Variants in CDS1 observed in about 807,000 individuals in gnomAD.
CDS1 encodes CDP-diacylglycerol synthase 1.
In CDS1, 41 loss-of-function variants were observed where a neutral mutation model predicts 62.1. That is an observed-to-expected ratio of 0.66 (90% CI 0.51 to 0.86). The LOEUF (loss-of-function observed/expected upper bound fraction) is 0.86. CDS1 is among the 40% of genes least tolerant of loss of function. The probability of loss-of-function intolerance (pLI) is 0.00; values close to 1 mark genes in which losing one functional copy is unlikely to be tolerated. For synonymous variants in CDS1, 185 were observed against 192.6 expected, an observed-to-expected ratio of 0.96 and a Z score of 0.32; for missense variants, 470 against 550.1, an observed-to-expected ratio of 0.85 and a Z score of 1.46.
At chr4:84,597,846 G>C (rs944253562) in intron 1 of CDS1, among the ~76,000 whole-genome samples, 1 of 151,836 alleles carries the variant, frequency 6.6e-6, no homozygotes, top group African/African-American at 2.4e-5. Flanking sequence ...CATGAAGAAG[G>C]CCGGGTGCGG....
At chr4:84,589,903 C>G (rs531035598) in intron 1 of CDS1, among the ~76,000 whole-genome samples, 1 of 152,154 alleles carries the variant, frequency 6.6e-6, no homozygotes, top group Non-Finnish European at 1.5e-5. Flanking sequence ...CTCTGCCTCC[C>G]GGGTTCACGC....
At position 84,636,170 on chromosome 4, in the gene CDS1, C is replaced by T. The variant is rs559964810; in HGVS notation, c.810+819C>T. 7.2e-5 allele frequency among the ~76,000 whole-genome samples: 11 copies of T among 152,246 alleles called. No individual in the cohort carries two copies. The South Asian group carries it at 2.3e-3, about 32-fold the overall frequency. ...CTCTCCCTTCAACCTGTCGCCTTACCTGTCCCCTCCTTTACCAAACTTTCT... is the reference window on the plus strand; with the variant it reads ...CTCTCCCTTCAACCTGTCGCCTTACTTGTCCCCTCCTTTACCAAACTTTCT... On this transcript the variant is annotated intron_variant, in intron 8 of 12. Coordinates refer to ENST00000295887, the MANE Select transcript of CDS1 (RefSeq NM_001263.4).
intron 8 of CDS1, among the ~76,000 whole-genome samples, chr4:84,635,621 G>GCCTTCCTTCCTCCCTTCCTT (rs1560481546): frequency 1.2e-5 from 1 of 84,810 alleles, no homozygotes; most frequent in Admixed American, 1.3e-4. Flanking sequence ...CTGCCTGCCT[G>GCCTTCCTTCCTCCCTTCCTT]CCTGCCTTCC....
At chr4:84,612,141 T>C (rs377035887) in intron 3 of CDS1, among the ~76,000 whole-genome samples, 1 of 151,374 alleles carries the variant, frequency 6.6e-6, no homozygotes, top group East Asian at 2.0e-4. Flanking sequence ...TTGCTCACGG[T>C]GCTTCCTCGG....
At chr4:84,586,198 G>T (rs1722414707) in intron 1 of CDS1, among the ~76,000 whole-genome samples, 1 of 152,148 alleles carries the variant, frequency 6.6e-6, no homozygotes, top group African/African-American at 2.4e-5. Context: ...CCAGGGATCA[G>T]TTTTGTGGAA....
intron 1 of CDS1, among the ~76,000 whole-genome samples, chr4:84,601,455 G>A (rs1722933948): frequency 6.6e-6 from 1 of 152,144 alleles, no homozygotes; most frequent in African/African-American, 2.4e-5. Flanking sequence ...TGGCATGTTG[G>A]AAGCTGGAGA....
At chr4:84,609,046 G>T (rs1405819722) in intron 2 of CDS1, among the ~76,000 whole-genome samples, 3 of 151,802 alleles carry the variant, frequency 2.0e-5, no homozygotes, top group Non-Finnish European at 4.4e-5. Flanking sequence ...GGGTGTGGTG[G>T]CGGGCACCTG....
At position 84,648,728 on chromosome 4, in the gene CDS1, A is replaced by G; in HGVS notation, c.*42A>G. 2.6e-6 allele frequency: 4 copies of G among 1,562,852 alleles called. No individual in the cohort carries two copies. Among genetic ancestry groups the G allele is most frequent in the Non-Finnish European group, 3.5e-6 (4 of 1,151,988 alleles). On this transcript the variant is annotated 3_prime_UTR_variant, in exon 13 of 13. Coordinates refer to ENST00000295887, the MANE Select transcript of CDS1 (RefSeq NM_001263.4). ...AAGGACTGACAAGAAGGAATTATTC[A>G]GAAAAACACTGACAGATGTTTTATA... is the stretch of plus-strand genomic sequence containing the variant.
intron 1 of CDS1, among the ~76,000 whole-genome samples, chr4:84,591,065 T>C (rs1722577917): frequency 1.3e-5 from 2 of 152,192 alleles, no homozygotes; most frequent in Non-Finnish European, 1.5e-5. Context: ...ACACAAACAA[T>C]ATTTTGTTTG....
chr4:84,601,682 G>C (rs1247271022), intron 1 of CDS1, among the ~76,000 whole-genome samples: 1 of 152,162 alleles, frequency 6.6e-6, no homozygotes, highest in Non-Finnish European at 1.5e-5. Context: ...GGAGGTCAGG[G>C]CGGGCGGATC....
In CDS1 at chr4:84,588,880, C is replaced by G. The variant is rs776632975; in HGVS notation, c.117+5362C>G. ...ATGTAATCACAACAAAATTCAGTCC[C>G]CTCTCATAATCCTAAACTTGTGACC... On this transcript the variant is annotated intron_variant, in intron 1 of 12. Transcript: ENST00000295887. Among the ~76,000 whole-genome samples the G allele has an allele frequency of 2.2e-4, 33 of 152,106 alleles. No individual in the cohort carries two copies. In the South Asian group the frequency reaches 2.3e-3, roughly 11 times the overall value.
Position 84,635,635 on chromosome 4 carries a change from C to T in CDS1, c.810+284C>T, listed in dbSNP as rs553036820. Among the ~76,000 whole-genome samples, 739 of 88,202 alleles carry T rather than the reference C, an allele frequency of 8.4e-3. 5 individuals are homozygous for T. The highest frequency in any genetic ancestry group is 0.034 in the African/African-American group (715 of 20,806). 57.9% of individuals were successfully genotyped at this position (88,202 alleles called of 152,430 possible). On this transcript the variant is annotated intron_variant, in intron 8 of 12. Coordinates refer to ENST00000295887, the MANE Select transcript of CDS1 (RefSeq NM_001263.4). The stretch of plus-strand genomic sequence containing the variant: ...CCTGCCTGCCTGCCTGCCTTCCTTC[C>T]TTCCTTCCTTCCTTCCTTCCTTCCT...
intron 1 of CDS1, among the ~76,000 whole-genome samples, chr4:84,585,642 T>C (rs2110029274): frequency 6.6e-6 from 1 of 152,366 alleles, no homozygotes; most frequent in Admixed American, 6.5e-5. Flanking sequence ...TCTGCTATTA[T>C]AATACACTCC....
At chr4:84,614,296 G>A (rs1392843731) in intron 3 of CDS1, among the ~76,000 whole-genome samples, 1 of 152,002 alleles carries the variant, frequency 6.6e-6, no homozygotes, top group Non-Finnish European at 1.5e-5. Context: ...TTGTTCTGTG[G>A]TCTTTATAAT....
intron 8 of CDS1, 75 bp from the exon 9 acceptor site, chr4:84,638,849 A>T (rs1445933789): frequency 4.0e-5 from 8 of 198,976 alleles, no homozygotes; most frequent in South Asian, 1.8e-4. Context: ...GAAATAGTTT[A>T]TATATATATA....
rs1324785465 is a variant in CDS1, at chr4:84,583,508, C to T, written c.107C>T (p.Thr36Ile). The T allele has an allele frequency of 4.6e-6, 7 of 1,526,184 alleles. No individual in the cohort carries two copies. The Admixed American group carries it at 1.5e-4, about 32-fold the overall frequency. The allele number at this position is 1,526,184 out of a possible 1,614,324, so 94.5% of individuals were successfully genotyped here. A position where few individuals can be genotyped will look rare whatever the true frequency, so the allele number is the denominator to read the frequency against. Residue 36 changes from threonine (T) to isoleucine (I), a missense_variant, in exon 1 of 13, where the codon ACC becomes ATC. By Grantham distance (89) the Thr-to-Ile change is moderately conservative. Transcript: ENST00000295887. Reference sequence around the variant, plus strand: ...GGCGGCGACCACGAAACCGAGAGCACCAGCGACAAAGTAAGTGGAGCCGAG... The same window carrying T: ...GGCGGCGACCACGAAACCGAGAGCATCAGCGACAAAGTAAGTGGAGCCGAG... ...AAGGDHETES[T>I]SDKETDIDDR...
chr4:84,619,583 G>T lies in CDS1; in HGVS notation c.580+50G>T. On this transcript the variant is annotated intron_variant, in intron 5 of 12. Transcript: ENST00000295887. ...GATATATAGTTAACATATTTTCCAT[G>T]TTTATTTTTATTTCTGTTATTTTAA... 8.0e-6 allele frequency: 9 copies of T among 1,123,810 alleles called. No individual in the cohort carries two copies. In the East Asian group the frequency reaches 8.4e-5, roughly 11 times the overall value. The allele number at this position is 1,123,810 out of a possible 1,614,324, so 69.6% of individuals were successfully genotyped here.
At chr4:84,601,172 C>CAAAAGAAAAAA (rs779954026) in intron 1 of CDS1, among the ~76,000 whole-genome samples, 4 of 88,284 alleles carry the variant, frequency 4.5e-5, no homozygotes, top group African/African-American at 1.8e-4. Context: ...GACCCTGTCT[C>CAAAAGAAAAAA]AAAAAAAAAA....
At chr4:84,586,550 T>C (rs1367655311) in intron 1 of CDS1, among the ~76,000 whole-genome samples, 1 of 152,080 alleles carries the variant, frequency 6.6e-6, no homozygotes, top group Non-Finnish European at 1.5e-5. Flanking sequence ...CGCTCGGTGG[T>C]AATGCGAGTG....
Sources: gnomAD v4.1 joint callset for allele counts (sites outside exome capture counted in the v4.1 genomes callset) on GRCh38, gnomAD v4.1.1 for gene constraint, MANE v1.5 for transcripts, NCBI Gene and HGNC (gene_info 2026-07-23, HGNC 2026-07-21) for gene names.